SDK1: variants seen among roughly 807,000 people sequenced by gnomAD.
The protein encoded by SDK1 is sidekick cell adhesion molecule 1.
Under a neutral mutation model 245.5 loss-of-function variants are expected in SDK1, and 157 were observed. The observed-to-expected ratio is 0.64, with a 90% CI of 0.56 to 0.73. The LOEUF is 0.73. SDK1 is among the 30% of genes least tolerant of loss of function. The pLI is 0.00. For synonymous variants in SDK1, 1,647 were observed against 1,278.5 expected (o/e 1.29, Z -6.15); for missense variants, 3,583 against 3,002.3 (o/e 1.19, Z -4.52).
intron 5 of SDK1, among the ~76,000 whole-genome samples, chr7:3,913,281 C>G (rs1000428013): frequency 1.3e-4 from 19 of 150,964 alleles, no homozygotes; most frequent in Non-Finnish European, 2.1e-4. Context: ...TGACCTTTCT[C>G]TTACACTTAT....
Position 3,912,595 on chromosome 7 carries a change from C to T in SDK1, c.848-38328C>T, listed in dbSNP as rs140553669. 4.7e-3 allele frequency among the ~76,000 whole-genome samples: 715 copies of T among 152,352 alleles called. 5 individuals are homozygous for T. The highest frequency in any genetic ancestry group is 0.016 in the African/African-American group (676 of 41,594). On this transcript the variant is annotated intron_variant, in intron 5 of 44. Coordinates refer to ENST00000404826, the MANE Select transcript of SDK1 (RefSeq NM_152744.4). ...ATAGGGAAGCCAACCACCCACAACT[C>T]CTCCAAATACCTCCCTCTCCCAGGC...
chr7:3,969,560 T>C, intron 11 of SDK1, 136 bp downstream of exon 11: 1 of 576,946 alleles, frequency 1.7e-6, no homozygotes. Flanking sequence ...TTACAACTAA[T>C]TTATAGAAAT....
At chr7:3,843,100 G>A (rs1562484242) in intron 5 of SDK1, among the ~76,000 whole-genome samples, 1 of 152,142 alleles carries the variant, frequency 6.6e-6, no homozygotes, top group Non-Finnish European at 1.5e-5. Context: ...AGCGGCTCAG[G>A]GCAGCACAGC....
chr7:3,639,571 A>T (rs751241202), intron 3 of SDK1, among the ~76,000 whole-genome samples: 6 of 152,158 alleles, frequency 3.9e-5, no homozygotes, highest in African/African-American at 9.7e-5. Context: ...CATTCATGTG[A>T]TAGTGATTTA....
chr7:4,033,120 T>C (rs1473536221), intron 17 of SDK1, among the ~76,000 whole-genome samples: 1 of 152,204 alleles, frequency 6.6e-6, no homozygotes, highest in Non-Finnish European at 1.5e-5. Context: ...GACTAGAAGA[T>C]GTCCGGAACA....
intron 19 of SDK1, among the ~76,000 whole-genome samples, chr7:4,063,782 C>A (rs749572704): frequency 6.6e-6 from 1 of 151,914 alleles, no homozygotes; most frequent in African/African-American, 2.4e-5. Context: ...GACACATAGA[C>A]CAATGGAACA....
rs544551635 is a variant in SDK1 at position 3,685,070 on chromosome 7, T to A, written c.713+42965T>A. Among the ~76,000 whole-genome samples the A allele has an allele frequency of 3.3e-4, 50 of 152,268 alleles. 2 individuals are homozygous for A. The highest frequency in any genetic ancestry group is 2.2e-3 in the Admixed American group (34 of 15,288). On this transcript the variant is annotated intron_variant, in intron 4 of 44. Transcript: ENST00000404826. ...AGAAAGAAGGTTGGGCTGAAAATGT[T>A]TGAAGAAGTAATGTTTGACAGCATC...
intron 1 of SDK1, among the ~76,000 whole-genome samples, chr7:3,589,958 C>T (rs1451869502): frequency 6.6e-6 from 1 of 152,210 alleles, no homozygotes; most frequent in Non-Finnish European, 1.5e-5. Flanking sequence ...CATGTCACAG[C>T]CTGCACTTGA....
chr7:3,814,909 C>G (rs1562463878), intron 4 of SDK1, among the ~76,000 whole-genome samples: 1 of 152,110 alleles, frequency 6.6e-6, no homozygotes, highest in Non-Finnish European at 1.5e-5. Flanking sequence ...ATTTGGCTCT[C>G]TGTTTGTATG....
intron 1 of SDK1, among the ~76,000 whole-genome samples, chr7:3,472,670 C>G (rs1781220770): frequency 6.6e-6 from 1 of 152,150 alleles, no homozygotes; most frequent in African/African-American, 2.4e-5. Context: ...TCTCATTAAA[C>G]TTTATGGAAC....
chr7:3,399,433 G>T (rs1194893406), intron 1 of SDK1, among the ~76,000 whole-genome samples: 1 of 151,964 alleles, frequency 6.6e-6, no homozygotes, highest in Non-Finnish European at 1.5e-5. Context: ...CTTCATCAGG[G>T]ACAGCTTCTA....
intron 1 of SDK1, among the ~76,000 whole-genome samples, chr7:3,604,831 A>T (rs930412406): frequency 3.3e-5 from 5 of 150,806 alleles, no homozygotes; most frequent in South Asian, 2.1e-4. Flanking sequence ...TGAACTCCCA[A>T]CTTCTGGTGA....
At chr7:3,716,406 G>GA (rs941362840) in intron 4 of SDK1, among the ~76,000 whole-genome samples, 3 of 152,094 alleles carry the variant, frequency 2.0e-5, no homozygotes, top group African/African-American at 4.8e-5. Flanking sequence ...TTAGAACTCT[G>GA]AAAAAAATCT....
At chr7:3,786,313 C>T (rs956309761) in intron 4 of SDK1, among the ~76,000 whole-genome samples, 1 of 152,296 alleles carries the variant, frequency 6.6e-6, no homozygotes, top group Non-Finnish European at 1.5e-5. Context: ...GAGTTAAACA[C>T]AGCTTTCTAG....
chr7:3,452,209 T>C (rs1449660046), intron 1 of SDK1, among the ~76,000 whole-genome samples: 2 of 152,206 alleles, frequency 1.3e-5, no homozygotes, highest in African/African-American at 4.8e-5. Flanking sequence ...TAGAATTTTA[T>C]CTAACCTCTT....
rs552824360 is a variant in SDK1 at position 3,321,763 on chromosome 7, C to G, written c.298+19879C>G. Among the ~76,000 whole-genome samples the G allele has an allele frequency of 4.1e-3, 364 of 88,152 alleles. 7 individuals carry two copies. Among genetic ancestry groups the G allele is most frequent in the South Asian group, 0.015 (28 of 1,852 alleles). 57.8% of individuals were successfully genotyped at this position (88,152 alleles called of 152,430 possible). ...CCTCCCCCCTCCTTCCCCTCCCTCC[C>G]TTCCTTCCTTCCTTCTCCTTCCTTC... On this transcript the variant is annotated intron_variant, in intron 1 of 44. Transcript: ENST00000404826.
intron 4 of SDK1, among the ~76,000 whole-genome samples, chr7:3,806,499 C>G (rs1779251568): frequency 6.6e-6 from 1 of 152,256 alleles, no homozygotes; most frequent in Non-Finnish European, 1.5e-5. Flanking sequence ...TCCCTGCCTT[C>G]TCCACCCAGC....
At chr7:3,912,022 G>T (rs1779185543) in intron 5 of SDK1, among the ~76,000 whole-genome samples, 1 of 152,174 alleles carries the variant, frequency 6.6e-6, no homozygotes. Context: ...TAGGTGCGGG[G>T]GCGTGCAGGG....
rs568624569 is a variant in SDK1 at position 4,245,847 on chromosome 7, C to G, written c.6381+42C>G. The G allele has an allele frequency of 2.0e-5, 33 of 1,610,520 alleles. No individual in the cohort carries two copies. In the South Asian group the frequency reaches 2.6e-4, roughly 13 times the overall value. ...ACTTCCGGGCAGTGACCATCAGCCC[C>G]TACTTCTGCAGTGAGACTTCTGCCC... On this transcript the variant is annotated intron_variant, in intron 44 of 44. Coordinates refer to ENST00000404826, the MANE Select transcript of SDK1 (RefSeq NM_152744.4).
Sources: gnomAD v4.1 joint callset for allele counts (sites outside exome capture counted in the v4.1 genomes callset) on GRCh38, gnomAD v4.1.1 for gene constraint, MANE v1.5 for transcripts, NCBI Gene and HGNC (gene_info 2026-07-23, HGNC 2026-07-21) for gene names.